CRB2: variants seen among roughly 807,000 people sequenced by gnomAD.
The protein encoded by CRB2 is crumbs cell polarity complex component 2.
CRB2 carries 85 observed loss-of-function variants against 110.9 expected under a neutral mutation model. That is an observed-to-expected ratio of 0.77 (90% CI 0.64 to 0.92). CRB2 has a LOEUF of 0.92. Among genes scored for constraint, CRB2 ranks in the 40% least tolerant of loss-of-function variants. The probability of loss-of-function intolerance (pLI) is 0.00; values close to 1 mark genes in which losing one functional copy is unlikely to be tolerated. For missense variants in CRB2, 1,843 were observed against 1,851.3 expected (o/e 1.00, Z 0.08); for synonymous variants, 907 against 831.0 (o/e 1.09, Z -1.57).
intron 12 of CRB2, 100 bp downstream of exon 12, chr9:123,375,443 G>A: frequency 7.3e-7 from 1 of 1,378,706 alleles, no homozygotes; most frequent in South Asian, 1.6e-5. Flanking sequence ...CTGTTCCTGG[G>A]CCACTCTGTC....
In CRB2 at chr9:123,370,226, C is replaced by A. The variant is rs143130521; in HGVS notation, c.1173C>A (p.Arg391=). ...ICRCPETWGG[R]DCSVQLTGCQ... is the part of the protein sequence containing the mutation. ...GGTGCCCAGAGACCTGGGGTGGGCG[C>A]GACTGTTCTGTGCAGCTCACTGGCT... Residue 391 remains arginine, a synonymous_variant, in exon 7 of 13, where the codon CGC becomes CGA. Coordinates refer to ENST00000373631, the MANE Select transcript of CRB2 (RefSeq NM_173689.7). 4.3e-6 allele frequency: 7 copies of A among 1,613,208 alleles called. No homozygotes were observed. The highest frequency in any genetic ancestry group is 5.1e-6 in the Non-Finnish European group (6 of 1,180,006).
Position 123,373,597 on chromosome 9 carries a change from GC to G in CRB2, c.3070del (p.Leu1024CysfsTer117). 1.4e-6 allele frequency: 2 copies of G among 1,397,982 alleles called. No individual in the cohort carries two copies. The highest frequency in any genetic ancestry group is 1.6e-5 in the South Asian group (1 of 63,074). The allele number at this position is 1,397,982 out of a possible 1,614,324, so 86.6% of individuals were successfully genotyped here. On this transcript the variant is annotated frameshift_variant, in exon 10 of 13. Coordinates refer to ENST00000373631, the MANE Select transcript of CRB2 (RefSeq NM_173689.7). LOFTEE classifies it high-confidence loss of function. ...TGGGCCGCGTGGCGCTGGGCGGCCT[GC>G]CCCTGCCCTTGGCGCGGCCCCGGCC... ...CLGRVALGGL[P>X]LPLARPRPGA... is the part of the protein sequence containing the mutation.
chr9:123,371,166 T>C lies in CRB2; in HGVS notation c.2024T>C (p.Leu675Pro). ...LPGPNLTVSF[L>P]LRTRESAGLL... ...GGTCCCAACCTCACAGTGTCTTTCC[T>C]TCTCCGCACTCGGGAGTCCGCTGGC... Residue 675 changes from leucine to proline, a missense_variant, in exon 8 of 13, where the codon CTT becomes CCT. By Grantham distance (98) the Leu-to-Pro change is moderately conservative. Coordinates refer to ENST00000373631, the MANE Select transcript of CRB2 (RefSeq NM_173689.7). The C allele has an allele frequency of 6.2e-7, 1 of 1,613,772 alleles. No individual in the cohort carries two copies. The highest frequency in any genetic ancestry group is 8.5e-7 in the Non-Finnish European group (1 of 1,180,024).
Position 123,370,879 on chromosome 9 carries a change from GC to G in CRB2, c.1828del (p.Arg610GlyfsTer87). ...VLLGCERREQ[C>X]RPLPCVHGGS... ...CTGGGCTGTGAGCGCCGAGAGCAGTGCCGGCCTCTGCCTTGTGTCCACGGAG... is the reference window on the plus strand; with the variant it reads ...CTGGGCTGTGAGCGCCGAGAGCAGTGCGGCCTCTGCCTTGTGTCCACGGAG... On this transcript the variant is annotated frameshift_variant, in exon 7 of 13. Transcript: ENST00000373631. LOFTEE classifies it high-confidence loss of function. The G allele has an allele frequency of 8.7e-6, 14 of 1,611,702 alleles. No homozygotes were observed. The highest frequency in any genetic ancestry group is 1.2e-5 in the Non-Finnish European group (14 of 1,180,018).
At chr9:123,366,944 CAAA>C (rs3050063) in intron 4 of CRB2, among the ~76,000 whole-genome samples, 15 of 133,966 alleles carry the variant, frequency 1.1e-4, no homozygotes, top group African/African-American at 1.4e-4. Flanking sequence ...GATTCTATCT[CAAA>C]AAAAAAAAAA....
chr9:123,371,989 G>A (rs1440709378), intron 8 of CRB2, among the ~76,000 whole-genome samples, 188 bp from the exon 9 acceptor site: 2 of 152,198 alleles, frequency 1.3e-5, no homozygotes, highest in East Asian at 3.8e-4. Context: ...TCAGGCAAGT[G>A]GCTTTGCATC....
chr9:123,373,993 G>A, intron 10 of CRB2, 73 bp downstream of exon 10: 1 of 1,527,248 alleles, frequency 6.5e-7, no homozygotes, highest in South Asian at 1.2e-5. Context: ...AGTCTGCCAG[G>A]TCTGTGGATG....
At chr9:123,368,480 C>T (rs1034831998) in intron 6 of CRB2, among the ~76,000 whole-genome samples, 4 of 152,364 alleles carry the variant, frequency 2.6e-5, no homozygotes, top group Admixed American at 6.5e-5. Context: ...CCACACAGCA[C>T]GTCTGGCCTC....
rs902874001 is a variant in CRB2 at position 123,373,372 on chromosome 9, G to C, written c.2841G>C (p.Pro947=). ...HGLPGAVLPI[P]GPRVADGAWH... ...TGCCCGGCGCTGTGCTGCCCATACC[G>C]GGGCCGCGCGTGGCCGATGGTGCCT... Residue 947 remains proline (P), a synonymous_variant, in exon 10 of 13, where the codon CCG becomes CCC. Coordinates refer to ENST00000373631, the MANE Select transcript of CRB2 (RefSeq NM_173689.7). 20 of 1,431,898 alleles carry C rather than the reference G, an allele frequency of 1.4e-5. No individual in the cohort carries two copies. Among genetic ancestry groups the C allele is most frequent in the Non-Finnish European group, 1.8e-5 (20 of 1,099,496 alleles). The allele number at this position is 1,431,898 out of a possible 1,614,324, so 88.7% of individuals were successfully genotyped here.
chr9:123,356,498 C>A, intron 1 of CRB2, 144 bp downstream of exon 1: 1 of 411,810 alleles, frequency 2.4e-6, no homozygotes, highest in Non-Finnish European at 4.1e-6. Flanking sequence ...GAGTGCGCGG[C>A]TGTGGCCCCC....
Position 123,370,704 on chromosome 9 carries a change from G to C in CRB2, c.1651G>C (p.Val551Leu). 1 of 1,605,164 alleles carries C rather than the reference G, an allele frequency of 6.2e-7. No homozygotes were observed. The change falls in exon 7 of 13, where the codon GTG becomes CTG. Residue 551 changes from valine to leucine, a missense_variant. By Grantham distance (32) the Val-to-Leu change is conservative. Transcript: ENST00000373631. ...CCGGCTCTGTGTGGCCTCTGGTCCT[G>C]TGGCCCTGGCTTCCACGGCTTCGGC... ...PARLCVASGP[V>L]ALASTASATP...
In CRB2 at chr9:123,366,237, G is replaced by T. The variant is rs1468613036; in HGVS notation, c.625G>T (p.Asp209Tyr). 5 of 1,469,338 alleles carry T rather than the reference G, an allele frequency of 3.4e-6. No homozygotes were observed. The African/African-American group carries it at 7.3e-5, about 22-fold the overall frequency. 91.0% of individuals were successfully genotyped at this position (1,469,338 alleles called of 1,614,324 possible). A position where few individuals can be genotyped will look rare whatever the true frequency, so the allele number is the denominator to read the frequency against. Residue 209 changes from aspartate (D) to tyrosine (Y), a missense_variant, in exon 4 of 13, where the codon GAC becomes TAC. Asp to Tyr is a radical substitution (Grantham distance 160). Coordinates refer to ENST00000373631, the MANE Select transcript of CRB2 (RefSeq NM_173689.7). ...GTGCGCCCTCCCCAGGTTCCGGTGC[G>T]ACTGCGCGGGCACCGGCTACGAGGG... The part of the protein sequence containing the change: ...CHDLVNGFRC[D>Y]CAGTGYEGTH...
chr9:123,366,938 C>T (rs1249223982), intron 4 of CRB2, among the ~76,000 whole-genome samples: 1 of 84,926 alleles, frequency 1.2e-5, no homozygotes, highest in African/African-American at 4.4e-5. Flanking sequence ...GAGTGAGATT[C>T]TATCTCAAAA....
intron 9 of CRB2, among the ~76,000 whole-genome samples, chr9:123,372,558 A>T (rs923392237): frequency 6.6e-6 from 1 of 152,028 alleles, no homozygotes; most frequent in Non-Finnish European, 1.5e-5. Flanking sequence ...CCACAGGGGG[A>T]AGGATATTTT....
Position 123,366,087 on chromosome 9 carries a change from G to C in CRB2, c.589G>C (p.Gly197Arg), listed in dbSNP as rs1253829020. The C allele has an allele frequency of 6.5e-7, 1 of 1,539,514 alleles. No homozygotes were observed. The highest frequency in any genetic ancestry group is 2.5e-5 in the East Asian group (1 of 40,032). Residue 197 changes from glycine to arginine, a missense_variant, in exon 3 of 13, where the codon GGC becomes CGC. Physicochemically the swap from Gly to Arg is moderately radical, Grantham distance 125. Coordinates refer to ENST00000373631, the MANE Select transcript of CRB2 (RefSeq NM_173689.7). ...ECQSQPCAHG[G>R]TCHDLVNGFR... ...CCAGAGCCAGCCGTGCGCACATGGG[G>C]GCACGTGCCACGACCTGGTCAACGG...
chr9:123,370,031 G>C (rs534985945), intron 6 of CRB2, 77 bp from the exon 7 acceptor site: 2 of 1,483,420 alleles, frequency 1.3e-6, no homozygotes, highest in African/African-American at 1.4e-5. Flanking sequence ...CCCATCATAA[G>C]AGGCATGTAA....
At chr9:123,367,417 G>GGGGGCC in intron 5 of CRB2, 60 bp downstream of exon 5, 1 of 1,269,270 alleles carries the variant, frequency 7.9e-7, no homozygotes, top group Non-Finnish European at 1.0e-6. Context: ...GGGATCTTGT[G>GGGGGCC]CCCACCCCCC....
In CRB2 at chr9:123,373,561, C is replaced by T; in HGVS notation, c.3030C>T (p.Phe1010=). Residue 1010 remains phenylalanine, a synonymous_variant, in exon 10 of 13, where the codon TTC becomes TTT. Transcript: ENST00000373631. ...GAVRILLAEN[F]TGCLGRVALG... Reference sequence around the variant, plus strand: ...TGCGCATCCTGCTGGCTGAGAACTTCACCGGCTGCTTGGGCCGCGTGGCGC... The same window carrying T: ...TGCGCATCCTGCTGGCTGAGAACTTTACCGGCTGCTTGGGCCGCGTGGCGC... 2 of 1,473,878 alleles carry T rather than the reference C, an allele frequency of 1.4e-6. No homozygotes were observed. Among genetic ancestry groups the T allele is most frequent in the African/African-American group, 1.4e-5 (1 of 68,994 alleles). 91.3% of individuals were successfully genotyped at this position (1,473,878 alleles called of 1,614,324 possible). A position where few individuals can be genotyped will look rare whatever the true frequency, so the allele number is the denominator to read the frequency against.
At chr9:123,359,819 A>C (rs2041846654) in intron 1 of CRB2, among the ~76,000 whole-genome samples, 1 of 152,114 alleles carries the variant, frequency 6.6e-6, no homozygotes, top group South Asian at 2.1e-4. Flanking sequence ...GAAAAGTAGG[A>C]GTTACTAATG....
Sources: allele counts gnomAD v4.1 joint callset (sites outside exome capture counted in the v4.1 genomes callset), GRCh38; gene constraint gnomAD v4.1.1; transcripts MANE v1.5; gene names NCBI Gene and HGNC (gene_info 2026-07-23, HGNC 2026-07-21).